SLC14A2: variants seen among roughly 807,000 people sequenced by gnomAD.
SLC14A2 encodes the protein solute carrier family 14 member 2.
Under a neutral mutation model 104.6 loss-of-function variants are expected in SLC14A2, and 91 were observed. That is an observed-to-expected ratio of 0.87 (90% confidence interval 0.73 to 1.04). The LOEUF is 1.04. SLC14A2 is among the 50% of genes least tolerant of loss of function. The probability of loss-of-function intolerance (pLI) is 0.00; values close to 1 mark genes in which losing one functional copy is unlikely to be tolerated. For missense variants in SLC14A2, 1,189 were observed against 1,156.0 expected (o/e 1.03, Z -0.41); for synonymous variants, 476 against 466.4 (o/e 1.02, Z -0.27).
At chr18:45,426,343 C>A (rs11877050) in intron 1 of SLC14A2, among the ~76,000 whole-genome samples, 84,947 of 151,736 alleles carry the variant, frequency 0.56, 23,917 homozygotes, top group Admixed American at 0.69. Context: ...TTATCGAGTG[C>A]GTAATCGTGA....
At chr18:45,237,890 A>T (rs1380782762) in intron 1 of SLC14A2, among the ~76,000 whole-genome samples, 1 of 152,196 alleles carries the variant, frequency 6.6e-6, no homozygotes, top group African/African-American at 2.4e-5. Context: ...ATGCATGATA[A>T]TGGTAGTTTA....
intron 1 of SLC14A2, chr18:45,438,238 G>A (rs1461781995): frequency 2.0e-5 from 3 of 152,222 alleles, no homozygotes; most frequent in Non-Finnish European, 4.4e-5. Flanking sequence ...CCTGAGAGCA[G>A]GCAGCCATTC....
At chr18:45,461,863 A>G (rs1486769260) in intron 1 of SLC14A2, among the ~76,000 whole-genome samples, 6 of 152,212 alleles carry the variant, frequency 3.9e-5, no homozygotes, top group Admixed American at 3.9e-4. Context: ...AAATACTGTG[A>G]ATTAATGCTA....
At chr18:45,384,154 C>CT (rs779598215) in intron 1 of SLC14A2, among the ~76,000 whole-genome samples, 1 of 152,110 alleles carries the variant, frequency 6.6e-6, no homozygotes, top group East Asian at 1.9e-4. Flanking sequence ...AGAGCTAGGA[C>CT]TAGAAGTCTT....
chr18:45,302,692 C>T (rs2084980094), intron 1 of SLC14A2, among the ~76,000 whole-genome samples: 1 of 152,124 alleles, frequency 6.6e-6, no homozygotes, highest in South Asian at 2.1e-4. Flanking sequence ...AAATAATATT[C>T]ATTATAGTCT....
intron 2 of SLC14A2, among the ~76,000 whole-genome samples, chr18:45,579,735 C>T (rs550704153): frequency 6.6e-6 from 1 of 152,312 alleles, no homozygotes; most frequent in African/African-American, 2.4e-5. Context: ...CTCATCCCTG[C>T]CCTCAAGATG....
At chr18:45,304,824 A>G (rs765362882) in intron 1 of SLC14A2, among the ~76,000 whole-genome samples, 4 of 152,204 alleles carry the variant, frequency 2.6e-5, no homozygotes, top group African/African-American at 7.2e-5. Context: ...TCAGAGGCCC[A>G]AGAAGTTCAT....
At chr18:45,332,606 G>A (rs994972532) in intron 1 of SLC14A2, among the ~76,000 whole-genome samples, 2 of 152,170 alleles carry the variant, frequency 1.3e-5, no homozygotes, top group Admixed American at 1.3e-4. Flanking sequence ...TTCCAAAATA[G>A]TAGAAGAGAG....
intron 2 of SLC14A2, among the ~76,000 whole-genome samples, chr18:45,585,073 C>T (rs2044547521): frequency 6.6e-6 from 1 of 152,168 alleles, no homozygotes; most frequent in African/African-American, 2.4e-5. Context: ...CCTCTCCTAA[C>T]ACCTTCCAGT....
intron 1 of SLC14A2, among the ~76,000 whole-genome samples, chr18:45,445,430 C>T (rs1354695758): frequency 6.6e-5 from 10 of 152,016 alleles, no homozygotes; most frequent in South Asian, 6.2e-4. Flanking sequence ...TTTGATAGGA[C>T]GTAAGAGACA....
Position 45,668,495 on chromosome 18 carries a change from G to A in SLC14A2, c.2036+18G>A. 3 of 1,613,948 alleles carry A rather than the reference G, an allele frequency of 1.9e-6. No homozygotes were observed. Among genetic ancestry groups the A allele is most frequent in the Non-Finnish European group, 2.5e-6 (3 of 1,179,898 alleles). ...ATGTCTTGGTAAGTTTGCTTTTGAA[G>A]GGTTGTGGGTTCATATCAATGGCCA... On this transcript the variant is annotated intron_variant, in intron 15 of 19. Coordinates refer to ENST00000255226, the MANE Select transcript of SLC14A2 (RefSeq NM_007163.4).
chr18:45,606,745 AAACAAAACAAAAAC>A (rs778033209), intron 2 of SLC14A2, among the ~76,000 whole-genome samples: 14,976 of 75,268 alleles, frequency 0.2, 959 homozygotes, highest in East Asian at 0.33. Context: ...AAAAAAAAAA[AAACAAAACAAAAAC>A]AAAAAAAAAA....
intron 2 of SLC14A2, among the ~76,000 whole-genome samples, chr18:45,554,449 A>G (rs1401613103): frequency 6.6e-6 from 1 of 152,132 alleles, no homozygotes; most frequent in Non-Finnish European, 1.5e-5. Flanking sequence ...ATCATTTTAC[A>G]ACGTTTGCCC....
chr18:45,208,520 A>C (rs2083934099), upstream of SLC14A2, among the ~76,000 whole-genome samples: 1 of 152,194 alleles, frequency 6.6e-6, no homozygotes, highest in Admixed American at 6.5e-5. Context: ...ACACACCTGC[A>C]CATGTGGAAA....
chr18:45,184,955 G>A, the SLC14A2 span, among the ~76,000 whole-genome samples: 5 of 152,276 alleles, frequency 3.3e-5, no homozygotes, highest in East Asian at 9.7e-4. Context: ...TTTCACATCT[G>A]CACAACTTCT....
intron 2 of SLC14A2, among the ~76,000 whole-genome samples, chr18:45,568,131 G>A (rs1424331962): frequency 4.6e-5 from 7 of 152,144 alleles, no homozygotes; most frequent in Non-Finnish European, 7.4e-5. Context: ...TGGCAGCATC[G>A]AGGTCCCAGT....
At chr18:45,178,757 G>A in the SLC14A2 span, among the ~76,000 whole-genome samples, 2 of 151,228 alleles carry the variant, frequency 1.3e-5, no homozygotes, top group Non-Finnish European at 3.0e-5. Flanking sequence ...GAAAACCAAG[G>A]CACCAAGAGG....
At chr18:45,341,912 A>G (rs1367799898) in intron 1 of SLC14A2, among the ~76,000 whole-genome samples, 1 of 152,176 alleles carries the variant, frequency 6.6e-6, no homozygotes, top group Admixed American at 6.5e-5. Context: ...TTCTAAGCAC[A>G]AGAAGGCTGT....
At position 45,311,337 on chromosome 18, in the gene SLC14A2, A is replaced by G. The variant is rs148981658; in HGVS notation, c.-125+98146A>G. 8.1e-4 allele frequency among the ~76,000 whole-genome samples: 124 copies of G among 152,248 alleles called. 2 individuals carry two copies. In the East Asian group the frequency reaches 0.023, roughly 28 times the overall value. On this transcript the variant is annotated intron_variant, in intron 1 of 20. Coordinates refer to the SLC14A2 transcript ENST00000586448. Reference sequence around the variant, plus strand: ...AGTCTCTACACACTCTAAACACATAATCACATTTAATCCTCTCAGTCACTA... The same window carrying G: ...AGTCTCTACACACTCTAAACACATAGTCACATTTAATCCTCTCAGTCACTA...
Sources: allele counts gnomAD v4.1 joint callset (sites outside exome capture counted in the v4.1 genomes callset), GRCh38; gene constraint gnomAD v4.1.1; transcripts MANE v1.5; gene names NCBI Gene and HGNC (gene_info 2026-07-23, HGNC 2026-07-21).